Variants in CBL observed in about 807,000 individuals in gnomAD.
CBL encodes the protein Cbl proto-oncogene, also known as E3 ubiquitin-protein ligase CBL.
In CBL, 45 loss-of-function variants were observed where a neutral mutation model predicts 96.9. That is an observed-to-expected ratio of 0.46 (90% CI 0.37 to 0.60). The LOEUF (loss-of-function observed/expected upper bound fraction) is 0.60. CBL is among the 20% of genes least tolerant of loss of function. CBL has a pLI of 0.00. For synonymous variants in CBL, 420 were observed against 426.8 expected (o/e 0.98, Z 0.20); for missense variants, 1,024 against 1,143.5 (o/e 0.90, Z 1.51).
rs962509368 is a variant in CBL, at chr11:119,305,725, C to T, written c.*5944C>T. The T allele has an allele frequency of 4.4e-6, 1 of 225,940 alleles. No individual in the cohort carries two copies. Among genetic ancestry groups the T allele is most frequent in the Non-Finnish European group, 8.8e-6 (1 of 113,768 alleles). The allele number at this position is 225,940 out of a possible 1,614,324, so 14.0% of individuals were successfully genotyped here. Reference sequence around the variant, plus strand: ...CTGTGTCTTCTCTGGCAATTGCTTTCATTTTAGTCCTATATAAAAGCTTTC... The same window carrying T: ...CTGTGTCTTCTCTGGCAATTGCTTTTATTTTAGTCCTATATAAAAGCTTTC... On this transcript the variant is annotated 3_prime_UTR_variant, in exon 16 of 16. Coordinates refer to ENST00000264033, the MANE Select transcript of CBL (RefSeq NM_005188.4).
chr11:119,212,300 TA>T (rs1004791985), intron 1 of CBL, among the ~76,000 whole-genome samples: 15 of 152,158 alleles, frequency 9.9e-5, no homozygotes, highest in East Asian at 3.9e-4. Context: ...ATCATGAGCT[TA>T]AAAAAAATTA....
chr11:119,270,435 TA>T (rs1469988138), intron 2 of CBL, among the ~76,000 whole-genome samples: 54 of 65,154 alleles, frequency 8.3e-4, no homozygotes, highest in African/African-American at 3.0e-3. Flanking sequence ...TATATATATA[TA>T]TTTTTTTTTT....
At chr11:119,283,515 G>C (rs1949953922) in intron 9 of CBL, among the ~76,000 whole-genome samples, 1 of 150,988 alleles carries the variant, frequency 6.6e-6, no homozygotes, top group South Asian at 2.1e-4. Context: ...TCCTAAGCCT[G>C]CTATAGGCAG....
Position 119,302,605 on chromosome 11 carries a change from T to C in CBL, c.*2824T>C, listed in dbSNP as rs1950109117. 4.3e-6 allele frequency: 1 copy of C among 231,626 alleles called. No homozygotes were observed. The highest frequency in any genetic ancestry group is 8.5e-6 in the Non-Finnish European group (1 of 117,104). 14.3% of individuals were successfully genotyped at this position (231,626 alleles called of 1,614,324 possible). On this transcript the variant is annotated 3_prime_UTR_variant, in exon 16 of 16. Coordinates refer to ENST00000264033, the MANE Select transcript of CBL (RefSeq NM_005188.4). Reference sequence around the variant, plus strand: ...GGGCTGTTGTATTCAGCCAGTCTCATGCTTTCCCTGGGTCTTCACGGATTG... The same window carrying C: ...GGGCTGTTGTATTCAGCCAGTCTCACGCTTTCCCTGGGTCTTCACGGATTG...
chr11:119,208,189 G>A (rs1287077011), intron 1 of CBL, among the ~76,000 whole-genome samples: 19 of 152,082 alleles, frequency 1.2e-4, no homozygotes. Flanking sequence ...ACACATCGAA[G>A]ATATTCAAAT....
chr11:119,227,358 T>G (rs1025760278), intron 1 of CBL, among the ~76,000 whole-genome samples: 2 of 152,150 alleles, frequency 1.3e-5, no homozygotes, highest in African/African-American at 4.8e-5. Context: ...TTTATTGGAA[T>G]GTAACTCCAT....
chr11:119,296,879 T>G lies in CBL; in HGVS notation c.2037-39T>G, dbSNP rs910681481. On this transcript the variant is annotated intron_variant, in intron 12 of 15. Transcript: ENST00000264033. ...TTTTATACTTCAAAGTTTACTGGTT[T>G]GTTACTTCTTTTTCTATTTTTTATT... 4 of 1,017,536 alleles carry G rather than the reference T, an allele frequency of 3.9e-6. No homozygotes were observed. In the African/African-American group the frequency reaches 4.7e-5, roughly 12 times the overall value. The allele number at this position is 1,017,536 out of a possible 1,614,324, so 63.0% of individuals were successfully genotyped here.
At chr11:119,259,385 A>G (rs1949736094) in intron 2 of CBL, among the ~76,000 whole-genome samples, 1 of 151,726 alleles carries the variant, frequency 6.6e-6, no homozygotes, top group African/African-American at 2.4e-5. Context: ...TGTATTGTTT[A>G]TTCTTATGTT....
At position 119,271,814 on chromosome 11, in the gene CBL, C is replaced by G. The variant is rs751238837; in HGVS notation, c.523C>G (p.Gln175Glu). 5 of 1,613,912 alleles carry G rather than the reference C, an allele frequency of 3.1e-6. No individual in the cohort carries two copies. Among genetic ancestry groups the G allele is most frequent in the South Asian group, 1.1e-5 (1 of 91,068 alleles). ...AGGAATCTTTCCAAGTGGACTCTTT[C>G]AGGGAGACACATTTCGGATTACTAA... The part of the protein sequence containing the change: ...LKGIFPSGLF[Q>E]GDTFRITKAD... Residue 175 changes from glutamine (Q) to glutamate (E), a missense_variant, in exon 3 of 16, where the codon CAG (glutamine) becomes GAG (glutamate). This residue lies in a region of CBL where 192 missense variants were observed against 321.8 expected (regional missense o/e 0.60). Coordinates refer to ENST00000264033, the MANE Select transcript of CBL (RefSeq NM_005188.4).
intron 1 of CBL, among the ~76,000 whole-genome samples, chr11:119,211,483 CT>C (rs1291990263): frequency 6.6e-6 from 1 of 152,090 alleles, no homozygotes; most frequent in Admixed American, 6.6e-5. Flanking sequence ...GTCTCATGTT[CT>C]TTGTTGTTAT....
Position 119,276,374 on chromosome 11 carries a change from C to T in CBL, c.1007+240C>T, listed in dbSNP as rs187014960. Among the ~76,000 whole-genome samples, 6 of 151,958 alleles carry T rather than the reference C, an allele frequency of 3.9e-5. No homozygotes were observed. In the East Asian group the frequency reaches 1.2e-3, roughly 29 times the overall value. On this transcript the variant is annotated intron_variant, in intron 6 of 15. Coordinates refer to ENST00000264033, the MANE Select transcript of CBL (RefSeq NM_005188.4). ...ATTACCATAAATAAACTTTATCTTT[C>T]TTTTTTCCAAATGTTAACTTATTTT...
intron 2 of CBL, among the ~76,000 whole-genome samples, chr11:119,241,337 C>T (rs899374070): frequency 1.6e-4 from 24 of 152,068 alleles, no homozygotes; most frequent in Middle Eastern, 3.2e-3. Context: ...TTATACAGTG[C>T]AGTTAATTTT....
intron 11 of CBL, among the ~76,000 whole-genome samples, chr11:119,286,140 A>C (rs541918707): frequency 3.6e-4 from 54 of 152,094 alleles, no homozygotes; most frequent in Non-Finnish European, 6.6e-4. Context: ...CTCTACTAAA[A>C]ATACAAAAAA....
At chr11:119,255,322 A>G (rs1000652885) in intron 2 of CBL, among the ~76,000 whole-genome samples, 10 of 152,128 alleles carry the variant, frequency 6.6e-5, no homozygotes, top group African/African-American at 2.2e-4. Flanking sequence ...CAGAAAGAAC[A>G]AAAAGATCAG....
chr11:119,273,367 A>C (rs1013891602), intron 3 of CBL, among the ~76,000 whole-genome samples: 136 of 152,262 alleles, frequency 8.9e-4, no homozygotes, highest in African/African-American at 3.1e-3. Context: ...CAGAAGTTTG[A>C]GACTACTACC....
intron 12 of CBL, among the ~76,000 whole-genome samples, chr11:119,288,779 G>T (rs1040268183): frequency 1.2e-4 from 18 of 152,100 alleles, no homozygotes; most frequent in Non-Finnish European, 2.5e-4. Flanking sequence ...AGCCAAACTT[G>T]GTTGCAGTCA....
At chr11:119,206,694 A>C (rs1949272158) in intron 1 of CBL, 82 bp downstream of exon 1, 3 of 1,011,226 alleles carry the variant, frequency 3.0e-6, no homozygotes, top group African/African-American at 2.0e-5. Context: ...GGACGGAGGA[A>C]GCGGGGGAGG....
In CBL at chr11:119,306,326, G is replaced by T. The variant is rs1201815660; in HGVS notation, c.*6545G>T. 2.5e-5 allele frequency: 10 copies of T among 398,562 alleles called. No individual in the cohort carries two copies. The highest frequency in any genetic ancestry group is 1.4e-4 in the African/African-American group (7 of 48,638). The allele number at this position is 398,562 out of a possible 1,614,324, so 24.7% of individuals were successfully genotyped here. On this transcript the variant is annotated 3_prime_UTR_variant, in exon 16 of 16. Coordinates refer to ENST00000264033, the MANE Select transcript of CBL (RefSeq NM_005188.4). ...AGCCAACCTCAGATCTCCTGATTTG[G>T]CAGCTGAAGAAATCAGCAGAGTCCT... is the stretch of plus-strand genomic sequence containing the variant.
At chr11:119,216,992 A>G (rs908768591) in intron 1 of CBL, among the ~76,000 whole-genome samples, 2 of 152,216 alleles carry the variant, frequency 1.3e-5, no homozygotes, top group African/African-American at 4.8e-5. Flanking sequence ...AAGAACTAAT[A>G]ATTTGTTATA....
Sources: allele counts gnomAD v4.1 joint callset (sites outside exome capture counted in the v4.1 genomes callset), GRCh38; gene constraint gnomAD v4.1.1; regional missense constraint gnomAD v4.1.1; transcripts MANE v1.5; gene names NCBI Gene and HGNC (gene_info 2026-07-23, HGNC 2026-07-21).